SLC41A1: variants seen among roughly 807,000 people sequenced by gnomAD.
SLC41A1 encodes the protein solute carrier family 41 member 1, also known as solute carrier family 41 (magnesium transporter), member 1.
A neutral mutation model predicts 47.3 loss-of-function variants in SLC41A1; 20 were observed. That is an observed-to-expected ratio of 0.42 (90% CI 0.30 to 0.61). SLC41A1 has a LOEUF of 0.61. SLC41A1 is among the 20% of genes least tolerant of loss of function. The pLI, the probability that SLC41A1 is intolerant of heterozygous loss-of-function variation, is 0.17. For missense variants in SLC41A1, 504 were observed against 674.1 expected (o/e 0.75, Z 2.79); for synonymous variants, 282 against 272.7 (o/e 1.03, Z -0.34).
At chr1:205,807,650 C>CT (rs71152452) in intron 2 of SLC41A1, among the ~76,000 whole-genome samples, 56,617 of 97,398 alleles carry the variant, frequency 0.58, 19,747 homozygotes, top group Non-Finnish European at 0.72. Flanking sequence ...CTCGTAGAGT[C>CT]TTTTTTTTTT....
At chr1:205,805,079 G>T (rs1348667965) in intron 2 of SLC41A1, among the ~76,000 whole-genome samples, 4 of 152,124 alleles carry the variant, frequency 2.6e-5, no homozygotes, top group Non-Finnish European at 5.9e-5. Context: ...GGAGTGTTAG[G>T]AGCAGTGGGA....
intron 10 of SLC41A1, among the ~76,000 whole-genome samples, chr1:205,793,523 C>T (rs1021402161): frequency 2.0e-5 from 3 of 152,240 alleles, no homozygotes; most frequent in Non-Finnish European, 4.4e-5. Context: ...ATGGCTGATT[C>T]TCAGCCCCGC....
chr1:205,800,430 T>G (rs1655852742), intron 3 of SLC41A1, among the ~76,000 whole-genome samples: 1 of 152,182 alleles, frequency 6.6e-6, no homozygotes, highest in African/African-American at 2.4e-5. Context: ...CCCGGAATCG[T>G]CACGGCTCAC....
At chr1:205,806,238 TGG>T (rs2102509362) in intron 2 of SLC41A1, among the ~76,000 whole-genome samples, 2 of 151,872 alleles carry the variant, frequency 1.3e-5, no homozygotes, top group Admixed American at 1.3e-4. Flanking sequence ...GCAGAAGGGG[TGG>T]TCAAGTGAAG....
At chr1:205,809,996 G>A in intron 2 of SLC41A1, 74 bp downstream of exon 2, 1 of 1,602,118 alleles carries the variant, frequency 6.2e-7, no homozygotes, top group Non-Finnish European at 8.5e-7. Flanking sequence ...GAGGTAGAGA[G>A]GAAGTTCCAA....
At chr1:205,795,792 G>T in intron 8 of SLC41A1, 1 of 447,318 alleles carries the variant, frequency 2.2e-6, no homozygotes, top group African/African-American at 2.0e-5. Context: ...TGCAGACTCA[G>T]AGAGCCTGAC....
chr1:205,806,299 A>C (rs556889953), intron 2 of SLC41A1, among the ~76,000 whole-genome samples: 22 of 152,352 alleles, frequency 1.4e-4, no homozygotes, highest in African/African-American at 5.3e-4. Flanking sequence ...GGAGCAGGCC[A>C]GGCACAGGAG....
At chr1:205,805,017 T>C (rs1158751970) in intron 2 of SLC41A1, among the ~76,000 whole-genome samples, 5 of 152,108 alleles carry the variant, frequency 3.3e-5, no homozygotes, top group Admixed American at 6.6e-5. Flanking sequence ...TCTCTCTACC[T>C]CCCAGCACAA....
At position 205,810,031 on chromosome 1, in the gene SLC41A1, C is replaced by A. The variant is rs200083818; in HGVS notation, c.372+39G>T. 3 of 1,613,802 alleles carry A rather than the reference C, an allele frequency of 1.9e-6. No individual in the cohort carries two copies. The South Asian group carries it at 3.3e-5, about 18-fold the overall frequency. On this transcript the variant is annotated intron_variant, in intron 2 of 10. Transcript: ENST00000367137. The surrounding 1 kb of genome is among the most constrained non-coding windows in gnomAD (Gnocchi z 5.5). ...AGTTTCCCAGCAGGCAAAGGTGGCC[C>A]TGGGCTCACAGTCAAGAGCTGCCCT...
intron 2 of SLC41A1, among the ~76,000 whole-genome samples, chr1:205,804,887 T>C (rs1655979033): frequency 6.6e-6 from 1 of 152,170 alleles, no homozygotes; most frequent in South Asian, 2.1e-4. Flanking sequence ...AGACTCCACA[T>C]GTATGCAAGC....
chr1:205,805,716 T>C (rs1656001076), intron 2 of SLC41A1, among the ~76,000 whole-genome samples: 1 of 152,150 alleles, frequency 6.6e-6, no homozygotes, highest in African/African-American at 2.4e-5. Context: ...GGGAATAGAC[T>C]GCCTCCCCCA....
chr1:205,807,386 T>C (rs936639733), intron 2 of SLC41A1, among the ~76,000 whole-genome samples: 2 of 152,136 alleles, frequency 1.3e-5, no homozygotes, highest in Non-Finnish European at 2.9e-5. Context: ...GGTGCCACAC[T>C]GAGAGCAGCT....
At position 205,797,958 on chromosome 1, in the gene SLC41A1, C is replaced by T. The variant is rs1216396362; in HGVS notation, c.938G>A (p.Arg313Lys). Residue 313 changes from arginine to lysine, a missense_variant, in exon 7 of 11, where the codon AGG becomes AAG. Physicochemically the swap from Arg to Lys is conservative, Grantham distance 26. Around this residue, in one of 2 missense-constraint regions of SLC41A1, gnomAD observed 421 missense variants for 601.6 expected, o/e 0.70. Coordinates refer to ENST00000367137, the MANE Select transcript of SLC41A1 (RefSeq NM_173854.6). ...CTCCCAGCCCGAGTACAACACCTCCCTTGTGGCTGGACTTCGTCGGGCCAG... is the reference window on the plus strand; with the variant it reads ...CTCCCAGCCCGAGTACAACACCTCCTTTGTGGCTGGACTTCGTCGGGCCAG... ...VVLARRSPAT[R>K]EVLYSGWEPV... 2 of 1,614,184 alleles carry T rather than the reference C, an allele frequency of 1.2e-6. No homozygotes were observed. Among genetic ancestry groups the T allele is most frequent in the Non-Finnish European group, 8.5e-7 (1 of 1,180,024 alleles).
intron 6 of SLC41A1, 120 bp from the exon 7 acceptor site, chr1:205,798,171 A>G (rs1655791775): frequency 1.4e-6 from 2 of 1,425,196 alleles, no homozygotes; most frequent in South Asian, 1.2e-5. Flanking sequence ...ATGCCAGTAA[A>G]CACATTATCC....
Position 205,810,256 on chromosome 1 carries a change from C to T in SLC41A1, c.186G>A (p.Glu62=), listed in dbSNP as rs149294017. The change falls in exon 2 of 11, where the codon GAG becomes GAA. Residue 62 remains glutamate (E), a synonymous_variant. Coordinates refer to ENST00000367137, the MANE Select transcript of SLC41A1 (RefSeq NM_173854.6). This position sits in a 1 kb window ranked among gnomAD's most constrained non-coding sequence, Gnocchi z 5.5. ...TCCCGTTCTCCAGCAGGGCGTCCTCCTCCCGAACCCCCTTGGCGTTGGCCC... is the reference window on the plus strand; with the variant it reads ...TCCCGTTCTCCAGCAGGGCGTCCTCTTCCCGAACCCCCTTGGCGTTGGCCC... The part of the protein sequence containing the change: ...ESRANAKGVR[E]EDALLENGSQ... The T allele has an allele frequency of 1.9e-6, 3 of 1,614,206 alleles. No homozygotes were observed. Among genetic ancestry groups the T allele is most frequent in the African/African-American group, 2.7e-5 (2 of 75,038 alleles).
chr1:205,808,250 TCGG>T (rs1482803511), intron 2 of SLC41A1, among the ~76,000 whole-genome samples: 1 of 152,162 alleles, frequency 6.6e-6, no homozygotes, highest in African/African-American at 2.4e-5. Context: ...GCCACTGAGC[TCGG>T]CCCCCTCTCC....
In SLC41A1 at chr1:205,791,822, C is replaced by T; in HGVS notation, c.1357-104G>A. On this transcript the variant is annotated intron_variant, in intron 10 of 10. Transcript: ENST00000367137. The surrounding 1 kb of genome is among the most constrained non-coding windows in gnomAD (Gnocchi z 4.0). ...CAGTGCATCACAGGGCTTGGCTGGC[C>T]ATAATCCTTACTTTTTAATCTTCCT... The T allele has an allele frequency of 1.4e-6, 2 of 1,413,526 alleles. No homozygotes were observed. The highest frequency in any genetic ancestry group is 2.5e-5 in the South Asian group (2 of 80,906). The allele number at this position is 1,413,526 out of a possible 1,614,324, so 87.6% of individuals were successfully genotyped here.
chr1:205,806,789 G>A (rs1202369803), intron 2 of SLC41A1, among the ~76,000 whole-genome samples: 1 of 152,228 alleles, frequency 6.6e-6, no homozygotes, highest in Admixed American at 6.5e-5. Context: ...TTACGGGAGG[G>A]CAGATAAGAG....
chr1:205,792,637 G>A (rs999634420), intron 10 of SLC41A1, among the ~76,000 whole-genome samples: 9 of 152,140 alleles, frequency 5.9e-5, no homozygotes, highest in Admixed American at 2.0e-4. Context: ...TTAAGTTGGC[G>A]ATGCCCTTGA....
Sources: allele counts gnomAD v4.1 joint callset (sites outside exome capture counted in the v4.1 genomes callset), GRCh38; gene constraint gnomAD v4.1.1; regional missense constraint gnomAD v4.1.1; non-coding constraint Gnocchi (gnomAD v3.1); transcripts MANE v1.5; gene names NCBI Gene and HGNC (gene_info 2026-07-23, HGNC 2026-07-21).